Variants in NRXN3 observed in about 807,000 individuals in gnomAD.
The protein encoded by NRXN3 is neurexin 3.
Under a neutral mutation model 137.6 loss-of-function variants are expected in NRXN3, and 32 were observed. That is an observed-to-expected ratio of 0.23 (90% CI 0.18 to 0.31). The LOEUF (loss-of-function observed/expected upper bound fraction) is 0.31, where lower values mean the gene tolerates loss of function less well. NRXN3 is among the 10% of genes least tolerant of loss of function. The pLI, the probability that NRXN3 is intolerant of heterozygous loss-of-function variation, is 1.00. For missense variants in NRXN3, 1,574 were observed against 2,062.5 expected, an observed-to-expected ratio of 0.76 and a Z score of 4.59; for synonymous variants, 798 against 784.5, an observed-to-expected ratio of 1.02 and a Z score of -0.29.
intron 9 of NRXN3, 113 bp downstream of exon 9, chr14:78,803,936 C>G (rs1014284104): frequency 3.0e-6 from 3 of 1,011,352 alleles, no homozygotes; most frequent in Non-Finnish European, 4.5e-6. Context: ...TAGCTGCTCA[C>G]CTCTTGTTTA....
At chr14:78,909,082 C>CTT (rs2099228540) in intron 10 of NRXN3, among the ~76,000 whole-genome samples, 1 of 152,132 alleles carries the variant, frequency 6.6e-6, no homozygotes, top group Admixed American at 6.6e-5. Context: ...GTTGAGCACA[C>CTT]TTTCTAGTTG....
At chr14:79,509,196 A>AAAT (rs551646534) in intron 16 of NRXN3, among the ~76,000 whole-genome samples, 40 of 151,966 alleles carry the variant, frequency 2.6e-4, no homozygotes, top group Admixed American at 3.3e-4. Context: ...TCTGTCTCAA[A>AAAT]AATAATAATA....
chr14:79,746,165 G>C (rs2098979103), intron 19 of NRXN3, among the ~76,000 whole-genome samples: 1 of 152,072 alleles, frequency 6.6e-6, no homozygotes, highest in Admixed American at 6.6e-5. Context: ...ATGAGTTAGG[G>C]TGCTATTCCC....
At chr14:78,387,911 G>C in intron 4 of NRXN3, among the ~76,000 whole-genome samples, 1 of 152,174 alleles carries the variant, frequency 6.6e-6, no homozygotes, top group Non-Finnish European at 1.5e-5. Context: ...GGACCACATG[G>C]TGGCTCTGTG....
At chr14:79,194,022 C>G (rs1181526382) in intron 15 of NRXN3, among the ~76,000 whole-genome samples, 21 of 152,186 alleles carry the variant, frequency 1.4e-4, no homozygotes, top group Admixed American at 1.3e-3. Context: ...TAACTTTCTT[C>G]AAACACTTAG....
At chr14:78,833,282 C>T (rs1440693697) in intron 10 of NRXN3, among the ~76,000 whole-genome samples, 1 of 152,142 alleles carries the variant, frequency 6.6e-6, no homozygotes, top group African/African-American at 2.4e-5. Context: ...TGACCTCTTC[C>T]TTCAGGAACC....
At chr14:79,269,494 G>GT (rs780541926) in intron 15 of NRXN3, among the ~76,000 whole-genome samples, 12 of 152,108 alleles carry the variant, frequency 7.9e-5, no homozygotes, top group Non-Finnish European at 1.2e-4. Flanking sequence ...TTTATCCTAG[G>GT]TATCTCCTGA....
At chr14:79,577,022 G>T (rs1469989063) in intron 16 of NRXN3, among the ~76,000 whole-genome samples, 2 of 152,076 alleles carry the variant, frequency 1.3e-5, no homozygotes, top group African/African-American at 4.8e-5. Flanking sequence ...GAGGTAATAG[G>T]ATCATGGGGG....
intron 8 of NRXN3, among the ~76,000 whole-genome samples, chr14:78,737,256 A>G (rs2098545137): frequency 6.6e-6 from 1 of 152,202 alleles, no homozygotes; most frequent in African/African-American, 2.4e-5. Context: ...GGCTGTGCCC[A>G]TCTGCTGGGG....
At chr14:78,763,214 A>G (rs1406038359) in intron 8 of NRXN3, among the ~76,000 whole-genome samples, 1 of 152,202 alleles carries the variant, frequency 6.6e-6, no homozygotes, top group African/African-American at 2.4e-5. Flanking sequence ...CATGATTGGG[A>G]GCAAAATTCT....
At chr14:78,748,786 G>T (rs1448258426) in intron 8 of NRXN3, among the ~76,000 whole-genome samples, 1 of 152,300 alleles carries the variant, frequency 6.6e-6, no homozygotes, top group Non-Finnish European at 1.5e-5. Flanking sequence ...CTAGTCAACT[G>T]TTTTGAGCTA....
intron 10 of NRXN3, 87 bp from the exon 11 acceptor site, chr14:78,957,155 T>G: frequency 7.3e-7 from 1 of 1,374,322 alleles, no homozygotes; most frequent in Non-Finnish European, 1.0e-6. Context: ...TGCTGGGTCA[T>G]GTGCACCAGT....
intron 15 of NRXN3, among the ~76,000 whole-genome samples, chr14:79,053,272 T>C (rs1378678430): frequency 6.6e-6 from 1 of 152,194 alleles, no homozygotes; most frequent in Non-Finnish European, 1.5e-5. Context: ...TGTTAACTCA[T>C]TTAATTCTTC....
At chr14:78,818,369 AC>A (rs2098940808) in intron 10 of NRXN3, among the ~76,000 whole-genome samples, 1 of 152,100 alleles carries the variant, frequency 6.6e-6, no homozygotes, top group Non-Finnish European at 1.5e-5. Context: ...CCATTGCGCT[AC>A]CTTAATTTAT....
intron 4 of NRXN3, among the ~76,000 whole-genome samples, chr14:78,347,040 T>G (rs553752844): frequency 6.6e-6 from 1 of 152,268 alleles, no homozygotes; most frequent in South Asian, 2.1e-4. Flanking sequence ...GAATAAGTTA[T>G]CAATGGAAAG....
At chr14:78,412,958 C>T (rs1250049173) in intron 4 of NRXN3, among the ~76,000 whole-genome samples, 1 of 152,124 alleles carries the variant, frequency 6.6e-6, no homozygotes, top group Non-Finnish European at 1.5e-5. Flanking sequence ...TGGTTTTTAA[C>T]CTGTTATTTA....
chr14:79,255,469 C>A (rs2076455229), intron 15 of NRXN3, among the ~76,000 whole-genome samples: 1 of 152,180 alleles, frequency 6.6e-6, no homozygotes, highest in Non-Finnish European at 1.5e-5. Flanking sequence ...ACCATTTAAT[C>A]CCTGTGTGAC....
intron 10 of NRXN3, among the ~76,000 whole-genome samples, chr14:78,884,216 T>C (rs1354744295): frequency 6.6e-6 from 1 of 152,184 alleles, no homozygotes; most frequent in Non-Finnish European, 1.5e-5. Context: ...CCTTACTTTC[T>C]CTCATTTACT....
intron 17 of NRXN3, among the ~76,000 whole-genome samples, chr14:79,688,314 T>G (rs955985966): frequency 1.3e-5 from 2 of 152,126 alleles, no homozygotes; most frequent in Non-Finnish European, 2.9e-5. Context: ...AGTGATAAAG[T>G]TAGAACTCAG....
Sources: allele counts gnomAD v4.1 joint callset (sites outside exome capture counted in the v4.1 genomes callset), GRCh38; gene constraint gnomAD v4.1.1; transcripts MANE v1.5; gene names NCBI Gene and HGNC (gene_info 2026-07-23, HGNC 2026-07-21).